The following ESRRG variants were observed in gnomAD, a reference collection of about 807,000 sequenced individuals.
ESRRG encodes the protein estrogen-related receptor gamma.
A neutral mutation model predicts 44.0 loss-of-function variants in ESRRG; 13 were observed. The ratio of observed to expected loss-of-function variants is 0.30; its 90% CI spans 0.19 to 0.47. ESRRG has a LOEUF of 0.47. Ranked by LOEUF, ESRRG falls within the 20% of genes least tolerant of loss-of-function variation. The pLI is 1.00. For missense variants in ESRRG, 395 were observed against 580.6 expected, an observed-to-expected ratio of 0.68 and a Z score of 3.29; for synonymous variants, 215 against 214.6, an observed-to-expected ratio of 1.00 and a Z score of -0.02.
At chr1:216,886,057 G>A (rs544144117) in intron 2 of ESRRG, among the ~76,000 whole-genome samples, 15 of 151,636 alleles carry the variant, frequency 9.9e-5, no homozygotes, top group Admixed American at 2.0e-4. Flanking sequence ...TTTCCTTGTT[G>A]TGTAATTCAT....
intron 5 of ESRRG, among the ~76,000 whole-genome samples, chr1:216,525,264 C>T (rs1232178570): frequency 6.6e-6 from 1 of 152,042 alleles, no homozygotes; most frequent in South Asian, 2.1e-4. Flanking sequence ...AAGTACTAGA[C>T]ACAGGGCCAA....
At chr1:217,120,526 C>T (rs1399122221) in intron 1 of ESRRG, among the ~76,000 whole-genome samples, 1 of 152,050 alleles carries the variant, frequency 6.6e-6, no homozygotes, top group Non-Finnish European at 1.5e-5. Context: ...TCTCATTCCC[C>T]TTAGAACAAA....
At chr1:216,574,485 A>C (rs2061355039) in intron 3 of ESRRG, among the ~76,000 whole-genome samples, 1 of 152,150 alleles carries the variant, frequency 6.6e-6, no homozygotes, top group Admixed American at 6.6e-5. Flanking sequence ...GTCCAAAGTC[A>C]AAAGTATTTT....
intron 2 of ESRRG, among the ~76,000 whole-genome samples, chr1:216,803,508 TAATTCAACAGTA>T: frequency 6.6e-6 from 1 of 152,302 alleles, no homozygotes; most frequent in Non-Finnish European, 1.5e-5. Context: ...AACGGAATAT[TAATTCAACAGTA>T]AGCACCAAAG....
intron 5 of ESRRG, among the ~76,000 whole-genome samples, chr1:216,537,842 T>G (rs945443818): frequency 1.3e-5 from 2 of 152,082 alleles, no homozygotes; most frequent in African/African-American, 4.8e-5. Context: ...AGAGGTATGA[T>G]TTGTACCGAT....
intron 2 of ESRRG, among the ~76,000 whole-genome samples, chr1:216,754,330 T>C (rs1465541456): frequency 6.6e-6 from 1 of 152,072 alleles, no homozygotes; most frequent in Non-Finnish European, 1.5e-5. Context: ...GATTAACTTT[T>C]ACAAAAGAAC....
chr1:216,711,372 G>A (rs2083570113), intron 1 of ESRRG, among the ~76,000 whole-genome samples: 2 of 152,176 alleles, frequency 1.3e-5, no homozygotes, highest in Admixed American at 1.3e-4. Context: ...AGATTTCATG[G>A]AGCACAGTTT....
rs534960269 is a variant in ESRRG at position 217,108,794 on chromosome 1, C to G, written c.-230+28873G>C. 5.3e-5 allele frequency among the ~76,000 whole-genome samples: 8 copies of G among 152,178 alleles called. No individual in the cohort carries two copies. In the East Asian group the frequency reaches 1.5e-3, roughly 29 times the overall value. ...AGGCTTCCTGCAAAGCCTGGAGAACCATGAGCCAATTAAACCATTTTTCTT... is the reference window on the plus strand; with the variant it reads ...AGGCTTCCTGCAAAGCCTGGAGAACGATGAGCCAATTAAACCATTTTTCTT... On this transcript the variant is annotated intron_variant, in intron 1 of 8. Transcript: ENST00000366940.
intron 2 of ESRRG, among the ~76,000 whole-genome samples, chr1:216,767,453 A>G (rs536233764): frequency 6.6e-6 from 1 of 152,278 alleles, no homozygotes; most frequent in African/African-American, 2.4e-5. Flanking sequence ...GGTAACAATG[A>G]GTTTAAAGCT....
chr1:216,763,358 A>G (rs1258010288), intron 2 of ESRRG, among the ~76,000 whole-genome samples: 2 of 152,166 alleles, frequency 1.3e-5, no homozygotes, highest in Non-Finnish European at 2.9e-5. Flanking sequence ...AAAACAAAAA[A>G]CAAACTCCTT....
rs551471633 is a variant in ESRRG at position 217,113,807 on chromosome 1, T to G, written c.-230+23860A>C. ...GAGTTCAAGACCAGCTTGGGCAACA[T>G]AGTGAGACTTCATCTCTACAAAAAA... On this transcript the variant is annotated intron_variant, in intron 1 of 8. Transcript: ENST00000366940. 7.2e-5 allele frequency among the ~76,000 whole-genome samples: 11 copies of G among 152,134 alleles called. No individual in the cohort carries two copies. In the South Asian group the frequency reaches 2.3e-3, roughly 32 times the overall value.
intron 3 of ESRRG, among the ~76,000 whole-genome samples, chr1:216,570,283 AAG>A (rs2060535521): frequency 1.3e-5 from 2 of 152,200 alleles, no homozygotes. Context: ...TAAGGTTATT[AAG>A]CATTCACTGA....
intron 5 of ESRRG, among the ~76,000 whole-genome samples, chr1:216,532,752 T>G (rs1008912152): frequency 3.3e-5 from 5 of 152,180 alleles, no homozygotes; most frequent in Non-Finnish European, 7.4e-5. Flanking sequence ...AGTTTATTAT[T>G]GGGGAGGCCC....
intron 1 of ESRRG, among the ~76,000 whole-genome samples, chr1:216,992,621 A>G (rs74141722): frequency 0.023 from 3,456 of 152,318 alleles, 98 homozygotes; most frequent in African/African-American, 0.067. Flanking sequence ...TCCTTTAAAC[A>G]TTATTAGATA....
intron 1 of ESRRG, among the ~76,000 whole-genome samples, chr1:217,041,006 C>G (rs575405670): frequency 1.2e-4 from 18 of 152,166 alleles, no homozygotes; most frequent in Non-Finnish European, 2.2e-4. Flanking sequence ...TTCAGTTACT[C>G]CTTTTTTACA....
chr1:216,642,391 A>T (rs1187097395), intron 3 of ESRRG, among the ~76,000 whole-genome samples: 1 of 152,052 alleles, frequency 6.6e-6, no homozygotes. Flanking sequence ...TTCAAGTTTC[A>T]TATCAACAAA....
At chr1:216,572,198 C>T (rs1436000652) in intron 3 of ESRRG, among the ~76,000 whole-genome samples, 2 of 152,002 alleles carry the variant, frequency 1.3e-5, no homozygotes, top group East Asian at 1.9e-4. Flanking sequence ...GAACCAAAAT[C>T]CTAGTAAAAG....
chr1:216,923,520 C>T (rs997421555), intron 2 of ESRRG, among the ~76,000 whole-genome samples: 1 of 152,090 alleles, frequency 6.6e-6, no homozygotes, highest in Non-Finnish European at 1.5e-5. Flanking sequence ...GTGCCTGTTA[C>T]TCCATAGTTC....
At chr1:216,966,619 A>G (rs905824743) in intron 1 of ESRRG, among the ~76,000 whole-genome samples, 5 of 151,946 alleles carry the variant, frequency 3.3e-5, no homozygotes, top group Non-Finnish European at 5.9e-5. Context: ...CTTTTCTTCC[A>G]TGCCCTTCCC....
Sources: gnomAD v4.1 joint callset for allele counts (sites outside exome capture counted in the v4.1 genomes callset) on GRCh38, gnomAD v4.1.1 for gene constraint, MANE v1.5 for transcripts, NCBI Gene and HGNC (gene_info 2026-07-23, HGNC 2026-07-21) for gene names.